Variants in METTL22 observed in about 807,000 individuals in gnomAD.
METTL22 encodes the protein methyltransferase 22, Kin17 lysine, also known as methyltransferase-like protein 22.
Under a neutral mutation model 48.4 loss-of-function variants are expected in METTL22, and 51 were observed. That is an observed-to-expected ratio of 1.05 (90% CI 0.84 to 1.33). The LOEUF (loss-of-function observed/expected upper bound fraction) is 1.33, where lower values mean the gene tolerates loss of function less well. Among genes scored for constraint, METTL22 ranks in the 40% most tolerant of loss-of-function variants. METTL22 has a pLI of 0.00. For missense variants in METTL22, 678 were observed against 526.9 expected (o/e 1.29, Z -2.81); for synonymous variants, 255 against 214.1 (o/e 1.19, Z -1.67).
intron 5 of METTL22, among the ~76,000 whole-genome samples, chr16:8,636,789 G>T (rs1159202844): frequency 1.3e-5 from 2 of 152,114 alleles, no homozygotes; most frequent in East Asian, 3.8e-4. Context: ...GTCTAATAAC[G>T]TGTCACTAGG....
chr16:8,642,184 C>G lies in METTL22; in HGVS notation c.884C>G (p.Thr295Ser). 1 of 1,613,538 alleles carries G rather than the reference C, an allele frequency of 6.2e-7. No homozygotes were observed. Among genetic ancestry groups the G allele is most frequent in the Non-Finnish European group, 8.5e-7 (1 of 1,179,496 alleles). ...QEEISDLYDH[T>S]TILFAAEVFY... ...GAAATTTCTGACTTGTACGATCACACCACCATCCTGTTTGCAGCCGAAGGT... is the reference window on the plus strand; with the variant it reads ...GAAATTTCTGACTTGTACGATCACAGCACCATCCTGTTTGCAGCCGAAGGT... Residue 295 changes from threonine to serine, a missense_variant, in exon 8 of 11, where the codon ACC (threonine) becomes AGC (serine). Transcript: ENST00000381920.
At chr16:8,659,364 A>T in the METTL22 span, among the ~76,000 whole-genome samples, 6 of 151,796 alleles carry the variant, frequency 4.0e-5, no homozygotes, top group Non-Finnish European at 7.4e-5. Flanking sequence ...TATGATAATC[A>T]TCCATCCTTC....
intron 7 of METTL22, 118 bp downstream of exon 7, chr16:8,641,302 T>G (rs555797368): frequency 1.0e-6 from 1 of 986,996 alleles, no homozygotes; most frequent in Non-Finnish European, 1.6e-6. Context: ...CACAGTCCCA[T>G]CGGCGCATGG....
At chr16:8,624,749 C>G (rs1465929173) in intron 1 of METTL22, among the ~76,000 whole-genome samples, 1 of 151,992 alleles carries the variant, frequency 6.6e-6, no homozygotes, top group Non-Finnish European at 1.5e-5. Context: ...AGCTGTAGTC[C>G]TAACTATGAA....
chr16:8,645,985 T>C (rs979024597), intron 10 of METTL22, 123 bp from the exon 11 acceptor site: 2 of 1,463,486 alleles, frequency 1.4e-6, no homozygotes, highest in Non-Finnish European at 1.8e-6. Context: ...CTGCCCCAGC[T>C]CGCCTGCTCC....
At chr16:8,662,856 C>T in the METTL22 span, among the ~76,000 whole-genome samples, 1 of 144,362 alleles carries the variant, frequency 6.9e-6, no homozygotes, top group Admixed American at 7.1e-5. Flanking sequence ...CAAAGTTGGA[C>T]TTGGTAATGT....
the METTL22 span, among the ~76,000 whole-genome samples, chr16:8,656,032 A>G: frequency 6.6e-6 from 1 of 152,192 alleles, no homozygotes; most frequent in East Asian, 1.9e-4. Context: ...AGTGTTCTCC[A>G]AAGTATGGCG....
chr16:8,639,584 C>T, intron 6 of METTL22: 1 of 206,486 alleles, frequency 4.8e-6, no homozygotes, highest in Non-Finnish European at 1.0e-5. Context: ...AATTCCCAGG[C>T]CTCCCTGGCC....
chr16:8,653,418 C>T (rs560230597), downstream of METTL22, among the ~76,000 whole-genome samples: 16 of 152,304 alleles, frequency 1.1e-4, no homozygotes, highest in South Asian at 3.1e-3. Flanking sequence ...CCCACATGGG[C>T]ACACACTCTT....
chr16:8,644,524 G>T (rs766380352), intron 9 of METTL22, 33 bp from the exon 10 acceptor site: 3 of 1,518,542 alleles, frequency 2.0e-6, no homozygotes, highest in Non-Finnish European at 2.7e-6. Flanking sequence ...CATTGATGAT[G>T]GCAGTTTGTG....
chr16:8,647,027 C>G lies in METTL22; in HGVS notation c.*884C>G. On this transcript the variant is annotated 3_prime_UTR_variant, in exon 11 of 11. Coordinates refer to ENST00000381920, the MANE Select transcript of METTL22 (RefSeq NM_024109.4). The stretch of plus-strand genomic sequence containing the variant: ...TTGGCCCTCCCTGCAGCCCCTTTCC[C>G]CTGCCTTGCTGCTGCCGCACACTTT... The G allele has an allele frequency of 6.8e-6, 2 of 292,800 alleles. No homozygotes were observed. Among genetic ancestry groups the G allele is most frequent in the South Asian group, 6.4e-5 (2 of 31,486 alleles). 18.1% of individuals were successfully genotyped at this position (292,800 alleles called of 1,614,324 possible). A position where few individuals can be genotyped will look rare whatever the true frequency, so the allele number is the denominator to read the frequency against.
At position 8,646,688 on chromosome 16, in the gene METTL22, G is replaced by C. The variant is rs1420819306; in HGVS notation, c.*545G>C. 1 of 456,584 alleles carries C rather than the reference G, an allele frequency of 2.2e-6. No individual in the cohort carries two copies. Among genetic ancestry groups the C allele is most frequent in the African/African-American group, 2.0e-5 (1 of 50,050 alleles). The allele number at this position is 456,584 out of a possible 1,614,324, so 28.3% of individuals were successfully genotyped here. On this transcript the variant is annotated 3_prime_UTR_variant, in exon 11 of 11. Coordinates refer to ENST00000381920, the MANE Select transcript of METTL22 (RefSeq NM_024109.4). ...CAGGAATGGACTGGCATTGGCCTTT[G>C]TATTTAATTTTAACTCTTTATCACC...
At position 8,628,796 on chromosome 16, in the gene METTL22, G is replaced by T. The variant is rs377517974; in HGVS notation, c.200G>T (p.Gly67Val). Residue 67 changes from glycine to valine, a missense_variant, in exon 3 of 11, where the codon GGC becomes GTC. Physicochemically the swap from Gly to Val is moderately radical, Grantham distance 109. Transcript: ENST00000381920. ...TGGACAGATTCAGGAGCCAAGGGTG[G>T]CAGTCACAGAGATGTTCACACAAAG... ...DSWTDSGAKG[G>V]SHRDVHTKEP... 6.2e-7 allele frequency: 1 copy of T among 1,614,154 alleles called. No individual in the cohort carries two copies. Among genetic ancestry groups the T allele is most frequent in the African/African-American group, 1.3e-5 (1 of 75,042 alleles).
intron 3 of METTL22, among the ~76,000 whole-genome samples, chr16:8,633,796 A>T (rs1477547491): frequency 2.0e-5 from 3 of 152,248 alleles, no homozygotes; most frequent in Non-Finnish European, 2.9e-5. Flanking sequence ...TCATGCAGAG[A>T]AGGTGCTTTT....
chr16:8,650,480 T>C (rs1271147424), downstream of METTL22, among the ~76,000 whole-genome samples: 1 of 152,246 alleles, frequency 6.6e-6, no homozygotes, highest in African/African-American at 2.4e-5. Flanking sequence ...CTTGATAGGT[T>C]GGTGAATGGG....
At chr16:8,624,533 C>A (rs1480577811) in intron 1 of METTL22, among the ~76,000 whole-genome samples, 2 of 152,138 alleles carry the variant, frequency 1.3e-5, no homozygotes, top group Admixed American at 1.3e-4. Context: ...GCGCGCGCCA[C>A]GACACCCGCC....
chr16:8,666,430 C>T, the METTL22 span, among the ~76,000 whole-genome samples: 5 of 152,324 alleles, frequency 3.3e-5, no homozygotes, highest in East Asian at 9.6e-4. Context: ...AAATCTTTGT[C>T]TCAGAATCTA....
In METTL22 at chr16:8,646,861, C is replaced by T. The variant is rs562010283; in HGVS notation, c.*718C>T. 11 of 367,014 alleles carry T rather than the reference C, an allele frequency of 3.0e-5. No individual in the cohort carries two copies. Among genetic ancestry groups the T allele is most frequent in the East Asian group, 1.5e-4 (2 of 13,706 alleles). The allele number at this position is 367,014 out of a possible 1,614,324, so 22.7% of individuals were successfully genotyped here. A position where few individuals can be genotyped will look rare whatever the true frequency, so the allele number is the denominator to read the frequency against. The stretch of plus-strand genomic sequence containing the variant: ...GCCCCTTGGTCTCTCTGTCTTATCA[C>T]GTGTGTACATGTCTGTCTGTCTGGT... On this transcript the variant is annotated 3_prime_UTR_variant, in exon 11 of 11. Transcript: ENST00000381920.
chr16:8,642,063 CA>C, intron 7 of METTL22, 63 bp from the exon 8 acceptor site: 1 of 1,293,894 alleles, frequency 7.7e-7, no homozygotes, highest in South Asian at 1.2e-5. Context: ...TGGTCAGTCC[CA>C]GTGAGAGTTG....
Sources: gnomAD v4.1 joint callset for allele counts (sites outside exome capture counted in the v4.1 genomes callset) on GRCh38, gnomAD v4.1.1 for gene constraint, MANE v1.5 for transcripts, NCBI Gene and HGNC (gene_info 2026-07-23, HGNC 2026-07-21) for gene names.